OR5BS1: variants seen among roughly 807,000 people sequenced by gnomAD.
OR5BS1 encodes the protein olfactory receptor family 5 subfamily BS member 1.
chr12:48,561,618 C>T, the OR5BS1 span, among the ~76,000 whole-genome samples: 2 of 152,126 alleles, frequency 1.3e-5, no homozygotes, highest in African/African-American at 4.8e-5. Flanking sequence ...ACAAAACAAT[C>T]GATGCCTGTG....
chr12:48,560,377 C>G, the OR5BS1 span: 38 of 401,454 alleles, frequency 9.5e-5, no homozygotes, highest in African/African-American at 7.0e-4. Context: ...CCTGGCTCAG[C>G]AGCACTTCTG....
the OR5BS1 span, chr12:48,562,879 A>T: frequency 2.5e-6 from 1 of 401,956 alleles, no homozygotes; most frequent in Non-Finnish European, 4.4e-6. Context: ...GAACCCCCTC[A>T]TCTACAGTCT....
At chr12:48,560,099 A>T in the OR5BS1 span, 1 of 402,502 alleles carries the variant, frequency 2.5e-6, no homozygotes, top group African/African-American at 2.1e-5. Flanking sequence ...GATGCTTTCT[A>T]TTCCTCAATT....
the OR5BS1 span, chr12:48,562,887 T>G: frequency 2.5e-6 from 1 of 401,734 alleles, no homozygotes; most frequent in African/African-American, 2.1e-5. Context: ...TCATCTACAG[T>G]CTGAAGAGCC....
chr12:48,562,173 T>G, the OR5BS1 span, among the ~76,000 whole-genome samples: 1 of 152,232 alleles, frequency 6.6e-6, no homozygotes, highest in Non-Finnish European at 1.5e-5. Context: ...CAGTTTTGGC[T>G]TCTTTTCCAA....
chr12:48,561,550 C>T, the OR5BS1 span, among the ~76,000 whole-genome samples: 1 of 152,190 alleles, frequency 6.6e-6, no homozygotes, highest in Admixed American at 6.5e-5. Context: ...CGTGCCCTTC[C>T]TTACCATGCT....
the OR5BS1 span, among the ~76,000 whole-genome samples, chr12:48,562,124 C>A: frequency 1.3e-5 from 2 of 152,126 alleles, no homozygotes; most frequent in African/African-American, 4.8e-5. Flanking sequence ...ATTTTGGAAT[C>A]ATATTATGTG....
chr12:48,559,922 T>C, the OR5BS1 span: 1 of 401,570 alleles, frequency 2.5e-6, no homozygotes, highest in Non-Finnish European at 4.4e-6. Context: ...GTGTTTATTC[T>C]CCTAGGACTG....
At chr12:48,561,725 G>A in the OR5BS1 span, among the ~76,000 whole-genome samples, 5 of 151,956 alleles carry the variant, frequency 3.3e-5, no homozygotes. Flanking sequence ...GGAAATGGAT[G>A]GTAAGAATAG....
At chr12:48,562,806 A>G in the OR5BS1 span, 1 of 401,908 alleles carries the variant, frequency 2.5e-6, no homozygotes, top group South Asian at 1.3e-4. Context: ...ATATGATTCC[A>G]GCATCTGGCT....
chr12:48,559,956 A>C, the OR5BS1 span: 2 of 402,200 alleles, frequency 5.0e-6, no homozygotes, highest in East Asian at 7.1e-5. Flanking sequence ...AGGTTCAGGC[A>C]CTGCTCTTTG....
At chr12:48,560,783 C>T in the OR5BS1 span, 1 of 396,474 alleles carries the variant, frequency 2.5e-6, no homozygotes, top group African/African-American at 2.1e-5. Flanking sequence ...CTGGCTCTAC[C>T]ATGGACTAGC....
At chr12:48,562,357 G>A in the OR5BS1 span, among the ~76,000 whole-genome samples, 14 of 152,144 alleles carry the variant, frequency 9.2e-5, no homozygotes, top group East Asian at 7.7e-4. Context: ...AGAACATTGC[G>A]TTTCTGTACT....
At chr12:48,561,781 AAAAT>A in the OR5BS1 span, among the ~76,000 whole-genome samples, 1 of 152,128 alleles carries the variant, frequency 6.6e-6, no homozygotes, top group African/African-American at 2.4e-5. Flanking sequence ...AAAAATAAGT[AAAAT>A]AAATAAATAA....
chr12:48,560,670 C>T, the OR5BS1 span: 3 of 400,968 alleles, frequency 7.5e-6, no homozygotes, highest in Non-Finnish European at 1.3e-5. Flanking sequence ...TCATACTATA[C>T]CCCTGAATAT....
At chr12:48,560,212 G>A in the OR5BS1 span, 14 of 401,210 alleles carry the variant, frequency 3.5e-5, no homozygotes, top group Non-Finnish European at 5.7e-5. Context: ...TGGAGCTACT[G>A]AGGCTTGCCT....
chr12:48,560,923 C>T, the OR5BS1 span, among the ~76,000 whole-genome samples: 3 of 151,940 alleles, frequency 2.0e-5, no homozygotes, highest in Non-Finnish European at 2.9e-5. Flanking sequence ...GTCAACATGG[C>T]GAAACCCCAT....
the OR5BS1 span, among the ~76,000 whole-genome samples, chr12:48,561,642 A>G: frequency 6.6e-6 from 1 of 152,196 alleles, no homozygotes; most frequent in Non-Finnish European, 1.5e-5. Flanking sequence ...TCTACTAGTA[A>G]ATTGAAGGTA....
the OR5BS1 span, among the ~76,000 whole-genome samples, chr12:48,561,536 G>A: frequency 3.5e-4 from 54 of 152,312 alleles, no homozygotes; most frequent in African/African-American, 1.2e-3. Flanking sequence ...GTTGGACCGA[G>A]ATCCGTGCCC....
Sources: allele counts gnomAD v4.1 joint callset (sites outside exome capture counted in the v4.1 genomes callset), GRCh38; gene constraint gnomAD v4.1.1; transcripts MANE v1.5; gene names NCBI Gene and HGNC (gene_info 2026-07-23, HGNC 2026-07-21).